SHISA9: variants seen among roughly 807,000 people sequenced by gnomAD.
SHISA9 encodes shisa family member 9.
In SHISA9, 13 loss-of-function variants were observed where a neutral mutation model predicts 38.0. The ratio of observed to expected loss-of-function variants is 0.34; its 90% CI spans 0.22 to 0.54. SHISA9 has a LOEUF of 0.54. SHISA9 is among the 20% of genes least tolerant of loss of function. The pLI, the probability that SHISA9 is intolerant of heterozygous loss-of-function variation, is 0.91. For missense variants in SHISA9, 538 were observed against 575.8 expected (o/e 0.93, Z 0.67); for synonymous variants, 275 against 242.0 (o/e 1.14, Z -1.27).
chr16:13,295,639 T>G, the SHISA9 span, among the ~76,000 whole-genome samples: 3 of 152,218 alleles, frequency 2.0e-5, no homozygotes, highest in East Asian at 3.9e-4. Context: ...GGGTTCAATT[T>G]CCTGCAGAGG....
the SHISA9 span, among the ~76,000 whole-genome samples, chr16:13,303,055 G>A: frequency 1.2e-3 from 181 of 152,232 alleles, no homozygotes; most frequent in African/African-American, 4.2e-3. Context: ...TTGTAGCAGC[G>A]TGGAAACAGA....
At chr16:13,422,843 A>C in the SHISA9 span, among the ~76,000 whole-genome samples, 3 of 152,244 alleles carry the variant, frequency 2.0e-5, no homozygotes, top group Middle Eastern at 3.4e-3. Context: ...TCAGTCCCCA[A>C]CTTTGTGTCT....
Position 13,200,816 on chromosome 16 carries a change from T to A in SHISA9, c.692-2578T>A. Among the ~76,000 whole-genome samples the A allele has an allele frequency of 1.5e-5, 2 of 135,772 alleles. 1 individual carries two copies. The highest frequency in any genetic ancestry group is 3.2e-5 in the Non-Finnish European group (2 of 62,310). The allele number at this position is 135,772 out of a possible 152,430, so 89.1% of individuals were successfully genotyped here. On this transcript the variant is annotated intron_variant, in intron 2 of 4. Transcript: ENST00000558583. Reference sequence around the variant, plus strand: ...CCATTTAACACTTGGGCTTGTGTGATGGCCCATGCAGGTAAAGTGATAAAA... The same window carrying A: ...CCATTTAACACTTGGGCTTGTGTGAAGGCCCATGCAGGTAAAGTGATAAAA...
chr16:13,391,498 C>T, the SHISA9 span, among the ~76,000 whole-genome samples: 11 of 152,198 alleles, frequency 7.2e-5, no homozygotes, highest in Middle Eastern at 3.2e-3. Context: ...CAGTCCCCAA[C>T]GAATCTATGC....
At position 13,203,447 on chromosome 16, in the gene SHISA9, G is replaced by A; in HGVS notation, c.745G>A (p.Gly249Ser). 1 of 1,550,552 alleles carries A rather than the reference G, an allele frequency of 6.4e-7. No individual in the cohort carries two copies. Among genetic ancestry groups the A allele is most frequent in the African/African-American group, 1.4e-5 (1 of 73,036 alleles). The change falls in exon 3 of 5, where the codon GGC becomes AGC. Residue 249 changes from glycine to serine, a missense_variant. By Grantham distance (56) the Gly-to-Ser change is moderately conservative. Coordinates refer to ENST00000558583, the MANE Select transcript of SHISA9 (RefSeq NM_001145204.3). Reference sequence around the variant, plus strand: ...CACCTCTCCTCTGCTCCAGCAGATGGGCCATCCACATTCGTACCCGAACCT... The same window carrying A: ...CACCTCTCCTCTGCTCCAGCAGATGAGCCATCCACATTCGTACCCGAACCT... ...VPTSPLLQQM[G>S]HPHSYPNLGQ...
the SHISA9 span, among the ~76,000 whole-genome samples, chr16:13,273,681 A>G: frequency 6.6e-6 from 1 of 152,016 alleles, no homozygotes; most frequent in African/African-American, 2.4e-5. Context: ...CGCTAGAATC[A>G]CTCTTTGTCT....
At chr16:13,101,401 T>G (rs1596648869) in intron 2 of SHISA9, among the ~76,000 whole-genome samples, 1 of 152,208 alleles carries the variant, frequency 6.6e-6, no homozygotes, top group Non-Finnish European at 1.5e-5. Context: ...ACAATTTTAA[T>G]TTTTCAATCA....
chr16:13,078,459 G>A (rs912510702), intron 2 of SHISA9, among the ~76,000 whole-genome samples: 10 of 151,816 alleles, frequency 6.6e-5, no homozygotes, highest in African/African-American at 2.4e-4. Context: ...AGACTGGAGT[G>A]CAGTGGGGTG....
At chr16:13,152,667 G>T (rs931098947) in intron 2 of SHISA9, among the ~76,000 whole-genome samples, 2 of 151,156 alleles carry the variant, frequency 1.3e-5, no homozygotes, top group Non-Finnish European at 2.9e-5. Flanking sequence ...CCAGTCATGT[G>T]CCAGGCAAGG....
At chr16:12,919,530 A>G (rs1413904177) in intron 2 of SHISA9, among the ~76,000 whole-genome samples, 2 of 152,192 alleles carry the variant, frequency 1.3e-5, no homozygotes, top group African/African-American at 2.4e-5. Flanking sequence ...TCTTATCTTA[A>G]TATTAACCTT....
chr16:13,423,451 C>T, the SHISA9 span, among the ~76,000 whole-genome samples: 2 of 152,174 alleles, frequency 1.3e-5, no homozygotes. Flanking sequence ...ATTTTATAAC[C>T]TCTGTACCTG....
At chr16:13,484,272 G>T in the SHISA9 span, among the ~76,000 whole-genome samples, 2 of 152,276 alleles carry the variant, frequency 1.3e-5, no homozygotes, top group Non-Finnish European at 2.9e-5. Context: ...CGAAACAAGT[G>T]TGATAAAAGC....
the SHISA9 span, among the ~76,000 whole-genome samples, chr16:13,429,193 A>G: frequency 6.6e-6 from 1 of 152,206 alleles, no homozygotes; most frequent in Non-Finnish European, 1.5e-5. Flanking sequence ...CAATTTTAGT[A>G]GTAATGATAG....
chr16:13,015,866 C>CTTTG (rs1467312490), intron 2 of SHISA9, among the ~76,000 whole-genome samples: 1 of 83,188 alleles, frequency 1.2e-5, no homozygotes, highest in Non-Finnish European at 2.7e-5. Context: ...TTCTTTCTTT[C>CTTTG]TTTCTTTCTT....
the SHISA9 span, among the ~76,000 whole-genome samples, chr16:13,406,482 C>T: frequency 1.1e-4 from 17 of 152,308 alleles, no homozygotes; most frequent in East Asian, 3.3e-3. Flanking sequence ...GCTCTCTAGA[C>T]TCAGGTCCAG....
chr16:13,006,476 G>C (rs1490261626), intron 2 of SHISA9, among the ~76,000 whole-genome samples: 1 of 152,186 alleles, frequency 6.6e-6, no homozygotes, highest in Non-Finnish European at 1.5e-5. Flanking sequence ...AGTGAAGCAA[G>C]ACACAGAGAC....
downstream of SHISA9, among the ~76,000 whole-genome samples, chr16:13,243,189 G>A (rs555207181): frequency 2.0e-5 from 3 of 151,820 alleles, no homozygotes; most frequent in South Asian, 2.1e-4. Flanking sequence ...GCAGTGAGCC[G>A]AGATCGCGCC....
At chr16:13,473,205 A>G in the SHISA9 span, among the ~76,000 whole-genome samples, 1 of 152,228 alleles carries the variant, frequency 6.6e-6, no homozygotes, top group Admixed American at 6.5e-5. Flanking sequence ...GGACTAGAAC[A>G]GTGCTCAGTC....
chr16:13,210,018 G>T (rs558534084), intron 3 of SHISA9, among the ~76,000 whole-genome samples: 3 of 152,226 alleles, frequency 2.0e-5, no homozygotes, highest in Non-Finnish European at 2.9e-5. Context: ...GGAGAATGGC[G>T]TGAACCCGGG....
Sources: allele counts gnomAD v4.1 joint callset (sites outside exome capture counted in the v4.1 genomes callset), GRCh38; gene constraint gnomAD v4.1.1; transcripts MANE v1.5; gene names NCBI Gene and HGNC (gene_info 2026-07-23, HGNC 2026-07-21).